Variants in LYST observed in about 807,000 individuals in gnomAD.
LYST encodes lysosomal trafficking regulator, also known as lysosomal-trafficking regulator.
A neutral mutation model predicts 413.6 loss-of-function variants in LYST; 192 were observed. The observed-to-expected ratio is 0.46, with a 90% CI of 0.41 to 0.52. The LOEUF (loss-of-function observed/expected upper bound fraction) is 0.52, where lower values mean the gene tolerates loss of function less well. Among genes scored for constraint, LYST ranks in the 20% least tolerant of loss-of-function variants. The pLI, the probability that LYST is intolerant of heterozygous loss-of-function variation, is 0.00. For missense variants in LYST, 3,815 were observed against 4,499.9 expected (o/e 0.85, Z 4.35); for synonymous variants, 1,525 against 1,567.3 (o/e 0.97, Z 0.64).
Position 235,805,723 on chromosome 1 carries a change from G to A in LYST, c.3393+20C>T. 6.4e-7 allele frequency: 1 copy of A among 1,559,432 alleles called. No individual in the cohort carries two copies. The highest frequency in any genetic ancestry group is 8.8e-7 in the Non-Finnish European group (1 of 1,132,192). On this transcript the variant is annotated intron_variant, in intron 6 of 52. Transcript: ENST00000389793. ...ATGTATATATATTACATAAGAGTTG[G>A]ACTAAGGACAAGGTATTACCTGATT...
At position 235,806,203 on chromosome 1, in the gene LYST, T is replaced by C. The variant is rs1397679483; in HGVS notation, c.2933A>G (p.Gln978Arg). The C allele has an allele frequency of 1.9e-6, 3 of 1,613,964 alleles. No individual in the cohort carries two copies. Among genetic ancestry groups the C allele is most frequent in the Non-Finnish European group, 2.5e-6 (3 of 1,179,962 alleles). Residue 978 changes from glutamine to arginine, a missense_variant, in exon 6 of 53, where the codon CAG (glutamine) becomes CGG (arginine). Coordinates refer to ENST00000389793, the MANE Select transcript of LYST (RefSeq NM_000081.4). ...ACCACCAAGCCTATAAAACTGTTTC[T>C]GGAACACTGAACTCAACATGTAGAT... Reference protein sequence around the residue: ...RWIYMLSSVFQKQFYRLGGFR... With the variant: ...RWIYMLSSVFRKQFYRLGGFR...
At chr1:235,724,371 T>C (rs1663658852) in intron 38 of LYST, among the ~76,000 whole-genome samples, 191 bp from the exon 39 acceptor site, 1 of 152,016 alleles carries the variant, frequency 6.6e-6, no homozygotes, top group Non-Finnish European at 1.5e-5. Context: ...ATAAAAAAAA[T>C]AGGCTTTATT....
intron 1 of LYST, among the ~76,000 whole-genome samples, chr1:235,857,784 C>T (rs61834678): frequency 0.25 from 29,804 of 120,354 alleles, 3,726 homozygotes; most frequent in African/African-American, 0.29. Context: ...CACACACACA[C>T]ATATATATAT....
chr1:235,802,064 G>A (rs927255716), intron 8 of LYST, among the ~76,000 whole-genome samples: 18 of 151,770 alleles, frequency 1.2e-4, no homozygotes, highest in African/African-American at 4.4e-4. Flanking sequence ...CATGGTGGCG[G>A]GCTCCTGAAA....
chr1:235,710,681 C>T (rs1662340095), intron 43 of LYST, among the ~76,000 whole-genome samples: 1 of 152,206 alleles, frequency 6.6e-6, no homozygotes, highest in Admixed American at 6.5e-5. Context: ...AGTCTATCTT[C>T]CTTTCTTTTG....
intron 50 of LYST, among the ~76,000 whole-genome samples, chr1:235,666,932 T>C (rs1658539760): frequency 1.3e-5 from 2 of 152,334 alleles, no homozygotes; most frequent in East Asian, 1.9e-4. Flanking sequence ...CTACCACTAC[T>C]GCATGGCTTA....
chr1:235,676,609 G>A (rs893462100), intron 50 of LYST, among the ~76,000 whole-genome samples: 7 of 152,130 alleles, frequency 4.6e-5, no homozygotes, highest in African/African-American at 1.7e-4. Flanking sequence ...TACCTCCTCT[G>A]CTCGGCTCTC....
intron 3 of LYST, among the ~76,000 whole-genome samples, chr1:235,815,666 G>A (rs1673973802): frequency 6.6e-6 from 1 of 152,038 alleles, no homozygotes; most frequent in Non-Finnish European, 1.5e-5. Context: ...GGCAAACCAA[G>A]AACACAATCT....
At chr1:235,864,585 C>T (rs1680276464) in intron 1 of LYST, among the ~76,000 whole-genome samples, 1 of 152,196 alleles carries the variant, frequency 6.6e-6, no homozygotes, top group Admixed American at 6.5e-5. Context: ...CTCAACCCTT[C>T]CCCTACAACA....
chr1:235,757,314 G>C lies in LYST; in HGVS notation c.7026C>G (p.His2342Gln). 1 of 1,613,480 alleles carries C rather than the reference G, an allele frequency of 6.2e-7. No homozygotes were observed. Among genetic ancestry groups the C allele is most frequent in the South Asian group, 1.1e-5 (1 of 91,058 alleles). Residue 2342 changes from histidine to glutamine, a missense_variant, in exon 24 of 53, where the codon CAC (histidine) becomes CAG (glutamine). Physicochemically the swap from His to Gln is conservative, Grantham distance 24. Transcript: ENST00000389793. The stretch of plus-strand genomic sequence containing the variant: ...CACCTTGTTGTATAGCTGGTGATGG[G>C]TGGTTAACGAGGACCAAAAGTGTAT... ...QADTLLVLVN[H>Q]PSPAIQQGVI...
At position 235,781,913 on chromosome 1, in the gene LYST, C is replaced by T. The variant is rs115581194; in HGVS notation, c.5023+14G>A. ...CCAGGCTGAAGTGCAGTGGTGCAAT[C>T]ATAGCTCACTCACCGTTGAAGAGAA... is the stretch of plus-strand genomic sequence containing the variant. On this transcript the variant is annotated intron_variant, in intron 15 of 52. Coordinates refer to ENST00000389793, the MANE Select transcript of LYST (RefSeq NM_000081.4). The T allele has an allele frequency of 4.2e-4, 668 of 1,576,720 alleles. 3 individuals are homozygous for T. In the African/African-American group the frequency reaches 7.9e-3, roughly 19 times the overall value.
intron 14 of LYST, among the ~76,000 whole-genome samples, chr1:235,783,111 G>GTAA (rs1314743911): frequency 6.6e-6 from 1 of 152,082 alleles, no homozygotes; most frequent in Non-Finnish European, 1.5e-5. Context: ...GATAATGAGA[G>GTAA]TAATCTATGA....
chr1:235,665,093 C>A (rs1348691582), intron 50 of LYST, among the ~76,000 whole-genome samples: 1 of 151,976 alleles, frequency 6.6e-6, no homozygotes, highest in Non-Finnish European at 1.5e-5. Flanking sequence ...TGCACCAGGC[C>A]AAGTTGCATA....
intron 10 of LYST, among the ~76,000 whole-genome samples, chr1:235,794,933 G>A (rs1433505912): frequency 6.6e-6 from 1 of 152,058 alleles, no homozygotes; most frequent in Non-Finnish European, 1.5e-5. Flanking sequence ...AAAACTCATA[G>A]CATTAAAGTA....
At chr1:235,852,111 G>A (rs1200593548) in intron 1 of LYST, among the ~76,000 whole-genome samples, 2 of 152,166 alleles carry the variant, frequency 1.3e-5, no homozygotes, top group Admixed American at 6.5e-5. Context: ...AAGTCAAGAT[G>A]TCATGTATTC....
chr1:235,692,659 C>T (rs1382008563), intron 47 of LYST, among the ~76,000 whole-genome samples: 3 of 151,892 alleles, frequency 2.0e-5, no homozygotes, highest in Non-Finnish European at 2.9e-5. Context: ...GCTGGGATTA[C>T]AGGCATGAGC....
intron 14 of LYST, among the ~76,000 whole-genome samples, chr1:235,783,676 AT>A (rs1479727699): frequency 6.6e-6 from 1 of 152,200 alleles, no homozygotes; most frequent in African/African-American, 2.4e-5. Flanking sequence ...TAAAAATAAA[AT>A]AGTGTTTTTA....
In LYST at chr1:235,753,051, C is replaced by T. The variant is rs997213296; in HGVS notation, c.7453G>A (p.Glu2485Lys). Residue 2485 changes from glutamate to lysine, a missense_variant, in exon 26 of 53, where the codon GAA becomes AAA. By Grantham distance (56) the Glu-to-Lys change is moderately conservative. Around this residue, in one of 4 missense-constraint regions of LYST, gnomAD observed 771 missense variants for 837.1 expected, o/e 0.92. Coordinates refer to ENST00000389793, the MANE Select transcript of LYST (RefSeq NM_000081.4). ...CNTVAALNGL[E>K]KNIPMSEYKL... ...TAATAATTTTAAACTTACTTCTTTTCTAATCCATTCAGGGCTGCTACTGTA... is the reference window on the plus strand; with the variant it reads ...TAATAATTTTAAACTTACTTCTTTTTTAATCCATTCAGGGCTGCTACTGTA... The T allele has an allele frequency of 4.0e-6, 6 of 1,503,724 alleles. No individual in the cohort carries two copies. The African/African-American group carries it at 4.1e-5, about 10-fold the overall frequency. The allele number at this position is 1,503,724 out of a possible 1,614,324, so 93.1% of individuals were successfully genotyped here. A position where few individuals can be genotyped will look rare whatever the true frequency, so the allele number is the denominator to read the frequency against.
At chr1:235,766,309 T>C in intron 20 of LYST, 32 bp from the exon 21 acceptor site, 1 of 1,506,554 alleles carries the variant, frequency 6.6e-7, no homozygotes, top group African/African-American at 1.4e-5. Context: ...TCTTTAGATT[T>C]AAAGAATTGT....
Sources: gnomAD v4.1 joint callset for allele counts (sites outside exome capture counted in the v4.1 genomes callset) on GRCh38, gnomAD v4.1.1 for gene constraint, gnomAD v4.1.1 regional missense constraint, MANE v1.5 for transcripts, NCBI Gene and HGNC (gene_info 2026-07-23, HGNC 2026-07-21) for gene names.